ALDOA: variants seen among roughly 807,000 people sequenced by gnomAD.
The protein encoded by ALDOA is aldolase, fructose-bisphosphate A, also known as fructose-bisphosphate aldolase A.
A neutral mutation model predicts 43.9 loss-of-function variants in ALDOA; 26 were observed. The ratio of observed to expected loss-of-function variants is 0.59; its 90% CI spans 0.43 to 0.82. The LOEUF (loss-of-function observed/expected upper bound fraction) is 0.82, where lower values mean the gene tolerates loss of function less well. Among genes scored for constraint, ALDOA ranks in the 40% least tolerant of loss-of-function variants. The pLI is 0.00. For missense variants in ALDOA, 498 were observed against 549.5 expected (o/e 0.91, Z 0.94); for synonymous variants, 258 against 222.6 (o/e 1.16, Z -1.42).
chr16:30,067,990 C>A, intron 4 of ALDOA: 1 of 347,970 alleles, frequency 2.9e-6, no homozygotes. Flanking sequence ...AGGATTGTTA[C>A]TAAGTGAACT....
intron 4 of ALDOA, chr16:30,068,400 A>AT: frequency 1.8e-6 from 1 of 560,446 alleles, no homozygotes; most frequent in Non-Finnish European, 3.2e-6. Context: ...CTAAGTGAAA[A>AT]TATTTGCCAG....
At position 30,069,285 on chromosome 16, in the gene ALDOA, AC is replaced by A. The variant is rs750622363; in HGVS notation, c.703-18del. 7 of 1,613,502 alleles carry A rather than the reference AC, an allele frequency of 4.3e-6. No individual in the cohort carries two copies. Among genetic ancestry groups the A allele is most frequent in the Non-Finnish European group, 5.9e-6 (7 of 1,179,700 alleles). On this transcript the variant is annotated intron_variant, in intron 6 of 9. Transcript: ENST00000642816. ...CTCTGGGTTAGGAGGCCTCACAGTG[AC>A]CCTGTCCCTCGCCCTGCAGAATGGC...
At chr16:30,068,436 A>G (rs2072197499) in intron 4 of ALDOA, 1 of 648,628 alleles carries the variant, frequency 1.5e-6, no homozygotes, top group African/African-American at 1.8e-5. Context: ...TAAGGGATTA[A>G]GTAAATGTGG....
intron 1 of ALDOA, 143 bp from the exon 2 acceptor site, chr16:30,066,742 C>A: frequency 1.1e-6 from 1 of 899,208 alleles, no homozygotes; most frequent in African/African-American, 1.7e-5. Flanking sequence ...GGGTTCTAAT[C>A]TCAGATCTGG....
Position 30,070,242 on chromosome 16 carries a change from C to T in ALDOA, c.*30C>T, listed in dbSNP as rs1423349934. 5.0e-6 allele frequency: 8 copies of T among 1,607,394 alleles called. No individual in the cohort carries two copies. Among genetic ancestry groups the T allele is most frequent in the Non-Finnish European group, 6.8e-6 (8 of 1,174,170 alleles). On this transcript the variant is annotated 3_prime_UTR_variant, in exon 10 of 10. Coordinates refer to ENST00000642816, the MANE Select transcript of ALDOA (RefSeq NM_001243177.4). ...AGGTGTTCCCAGGCTGCCCCCAACA[C>T]TCCAGGCCCTGCCCCCTCCCACTCT...
At chr16:30,069,139 G>T in intron 6 of ALDOA, 161 bp downstream of exon 6, 1 of 1,351,684 alleles carries the variant, frequency 7.4e-7, no homozygotes, top group Non-Finnish European at 1.0e-6. Context: ...GGGCCAAGGA[G>T]GGATGGTGGG....
At chr16:30,067,711 G>A (rs763131403) in intron 4 of ALDOA, 50 bp downstream of exon 4, 2 of 1,607,248 alleles carry the variant, frequency 1.2e-6, no homozygotes, top group Non-Finnish European at 8.5e-7. Flanking sequence ...GTGGAGGAAG[G>A]AAATCCAGGT....
upstream of ALDOA, among the ~76,000 whole-genome samples, chr16:30,065,216 T>A (rs2072057684): frequency 6.6e-6 from 1 of 152,180 alleles, no homozygotes; most frequent in Non-Finnish European, 1.5e-5. Flanking sequence ...TGCCCTTTCC[T>A]CCGCCTCCCT....
chr16:30,070,301 T>C lies in ALDOA; in HGVS notation c.*89T>C. 1 of 1,331,024 alleles carries C rather than the reference T, an allele frequency of 7.5e-7. No homozygotes were observed. The highest frequency in any genetic ancestry group is 1.7e-5 in the Admixed American group (1 of 57,704). 82.5% of individuals were successfully genotyped at this position (1,331,024 alleles called of 1,614,324 possible). On this transcript the variant is annotated 3_prime_UTR_variant, in exon 10 of 10. Transcript: ENST00000642816. ...AGGCCGCCTCCTCGGGGCTCCAGGCTGGCTTGCCCGCGCTCTTTCTTCCCT... is the reference window on the plus strand; with the variant it reads ...AGGCCGCCTCCTCGGGGCTCCAGGCCGGCTTGCCCGCGCTCTTTCTTCCCT...
At chr16:30,064,472 G>C (rs2072035349), upstream of ALDOA, 1 of 398,602 alleles carries the variant, frequency 2.5e-6, no homozygotes, top group Non-Finnish European at 4.4e-6. Flanking sequence ...GCCTCCGTCT[G>C]GATTTCCAAG....
At chr16:30,064,676 G>C (rs568745926), upstream of ALDOA, 1 of 390,062 alleles carries the variant, frequency 2.6e-6, no homozygotes, top group African/African-American at 2.1e-5. Flanking sequence ...CATTAGAGAA[G>C]ATCGGGGACA....
chr16:30,069,179 A>G, intron 6 of ALDOA, 127 bp from the exon 7 acceptor site: 3 of 1,357,096 alleles, frequency 2.2e-6, no homozygotes, highest in African/African-American at 1.4e-5. Flanking sequence ...GTCTCCTGTA[A>G]TCTGAGGGCT....
chr16:30,068,992 T>C lies in ALDOA; in HGVS notation c.702+14T>C. ...ATCTGCCAGCAGGTGGGCCTGCAGG[T>C]CCTCAATAGGCAACCTCCTACCTCA... On this transcript the variant is annotated intron_variant, in intron 6 of 9. Coordinates refer to ENST00000642816, the MANE Select transcript of ALDOA (RefSeq NM_001243177.4). 2 of 1,614,162 alleles carry C rather than the reference T, an allele frequency of 1.2e-6. No homozygotes were observed.
Position 30,069,987 on chromosome 16 carries a change from G to GA in ALDOA, c.1121dup (p.Asn374LysfsTer42), listed in dbSNP as rs2151019536. Reference sequence around the variant, plus strand: ...TGAAGGCCTGGGGCGGGAAGAAGGAGAACCTGAAGGCTGCGCAGGAGGAGT... The same window carrying GA: ...TGAAGGCCTGGGGCGGGAAGAAGGAGAAACCTGAAGGCTGCGCAGGAGGAGT... On this transcript the variant is annotated frameshift_variant, in exon 9 of 10. Transcript: ENST00000642816. LOFTEE classifies it high-confidence loss of function. The GA allele has an allele frequency of 6.2e-7, 1 of 1,613,894 alleles. No homozygotes were observed. The highest frequency in any genetic ancestry group is 8.5e-7 in the Non-Finnish European group (1 of 1,180,026).
In ALDOA at chr16:30,068,912, C is replaced by G. The variant is rs1243561565; in HGVS notation, c.636C>G (p.Thr212=). The change falls in exon 6 of 10, where the codon ACC becomes ACG. Residue 212 remains threonine, a synonymous_variant. Transcript: ENST00000642816. ...WRCVLKIGEH[T]PSALAIMENA... is the part of the protein sequence containing the mutation. Reference sequence around the variant, plus strand: ...GTGTGCTGAAGATTGGGGAACACACCCCCTCAGCCCTCGCCATCATGGAAA... The same window carrying G: ...GTGTGCTGAAGATTGGGGAACACACGCCCTCAGCCCTCGCCATCATGGAAA... The G allele has an allele frequency of 1.2e-6, 2 of 1,614,112 alleles. No individual in the cohort carries two copies. The highest frequency in any genetic ancestry group is 1.7e-6 in the Non-Finnish European group (2 of 1,180,054).
rs1062379 is a variant in ALDOA at position 30,070,385 on chromosome 16, A to G, written c.*173A>G. On this transcript the variant is annotated 3_prime_UTR_variant, in exon 10 of 10. Coordinates refer to ENST00000642816, the MANE Select transcript of ALDOA (RefSeq NM_001243177.4). ...CTAAGTCCATCACCCTTTCCGGCACACTGCCAAATAAACAGCTATTTAAGG... is the reference window on the plus strand; with the variant it reads ...CTAAGTCCATCACCCTTTCCGGCACGCTGCCAAATAAACAGCTATTTAAGG... 1.5e-5 allele frequency: 10 copies of G among 646,990 alleles called. No individual in the cohort carries two copies. The highest frequency in any genetic ancestry group is 3.6e-5 in the African/African-American group (2 of 55,466). 40.1% of individuals were successfully genotyped at this position (646,990 alleles called of 1,614,324 possible).
rs756916914 is a variant in ALDOA at position 30,068,604 on chromosome 16, G to A, written c.487-42G>A. The A allele has an allele frequency of 8.1e-6, 13 of 1,607,718 alleles. No homozygotes were observed. In the African/African-American group the frequency reaches 1.2e-4, roughly 15 times the overall value. ...GGCGACAGTGGAAAGGGTGCTAGAG[G>A]TCATTTCCTGTGTCTTAATGTTGTT... On this transcript the variant is annotated intron_variant, in intron 4 of 9. Coordinates refer to ENST00000642816, the MANE Select transcript of ALDOA (RefSeq NM_001243177.4).
At position 30,067,516 on chromosome 16, in the gene ALDOA, G is replaced by T. The variant is rs760143922; in HGVS notation, c.341G>T (p.Arg114Leu). ...ACCGAGGAGAACCGGCGCTTCTACCGCCAGCTGCTGCTGACAGCTGACGAC... is the reference window on the plus strand; with the variant it reads ...ACCGAGGAGAACCGGCGCTTCTACCTCCAGCTGCTGCTGACAGCTGACGAC... ...ENTEENRRFY[R>L]QLLLTADDRV... is the part of the protein sequence containing the mutation. Residue 114 changes from arginine to leucine, a missense_variant, in exon 4 of 10, where the codon CGC becomes CTC. Arg to Leu is a moderately radical substitution (Grantham distance 102). Coordinates refer to ENST00000642816, the MANE Select transcript of ALDOA (RefSeq NM_001243177.4). 97 of 1,613,428 alleles carry T rather than the reference G, an allele frequency of 6.0e-5. No individual in the cohort carries two copies. The highest frequency in any genetic ancestry group is 2.5e-6 in the Non-Finnish European group (3 of 1,179,992).
upstream of ALDOA, chr16:30,064,708 G>C: frequency 2.7e-6 from 1 of 374,296 alleles, no homozygotes. Context: ...GGCAGGAGCT[G>C]CCTTATAACC....
Sources: allele counts gnomAD v4.1 joint callset (sites outside exome capture counted in the v4.1 genomes callset), GRCh38; gene constraint gnomAD v4.1.1; transcripts MANE v1.5; gene names NCBI Gene and HGNC (gene_info 2026-07-23, HGNC 2026-07-21).